The following SFI1 variants were observed in gnomAD, a reference collection of about 807,000 sequenced individuals.
SFI1 encodes SFI1 centrin binding protein.
SFI1 carries 195 observed loss-of-function variants against 207.5 expected under a neutral mutation model. The observed-to-expected ratio is 0.94, with a 90% CI of 0.84 to 1.06. The LOEUF is 1.06. Ranked by LOEUF, SFI1 falls within the 50% of genes least tolerant of loss-of-function variation. The probability of loss-of-function intolerance (pLI) is 0.00; values close to 1 mark genes in which losing one functional copy is unlikely to be tolerated. For synonymous variants in SFI1, 630 were observed against 598.9 expected (o/e 1.05, Z -0.76); for missense variants, 1,634 against 1,588.0 (o/e 1.03, Z -0.49).
chr22:31,556,880 T>C, intron 6 of SFI1, 62 bp from the exon 7 acceptor site: 3 of 1,151,502 alleles, frequency 2.6e-6, no homozygotes, highest in Non-Finnish European at 3.7e-6. Flanking sequence ...TGAGCTTTTA[T>C]CATAACCCAG....
chr22:31,532,134 C>G (rs887296169), intron 4 of SFI1, among the ~76,000 whole-genome samples: 11 of 152,082 alleles, frequency 7.2e-5, no homozygotes, highest in Non-Finnish European at 4.4e-5. Flanking sequence ...GATAAGATCT[C>G]TCTGGGAAAA....
At position 31,618,040 on chromosome 22, in the gene SFI1, G is replaced by A. The variant is rs1478098721; in HGVS notation, c.3513-75G>A. The stretch of plus-strand genomic sequence containing the variant: ...CGATACCCGCATCAGAATTAGCTGA[G>A]GTGCCTCTCCCTGAGCCGGATGGGG... On this transcript the variant is annotated intron_variant, in intron 31 of 32. Coordinates refer to ENST00000400288, the MANE Select transcript of SFI1 (RefSeq NM_001007467.3). 4.5e-5 allele frequency: 66 copies of A among 1,473,270 alleles called. 2 individuals are homozygous for A. The South Asian group carries it at 8.4e-4, about 19-fold the overall frequency. 91.3% of individuals were successfully genotyped at this position (1,473,270 alleles called of 1,614,324 possible).
intron 1 of SFI1, among the ~76,000 whole-genome samples, chr22:31,499,004 C>G (rs972458762): frequency 1.3e-4 from 20 of 151,026 alleles, no homozygotes; most frequent in African/African-American, 4.4e-4. Flanking sequence ...ACTACATGCC[C>G]GGCTTTGTTT....
intron 15 of SFI1, among the ~76,000 whole-genome samples, chr22:31,601,832 G>T (rs2068146469): frequency 1.3e-5 from 2 of 151,534 alleles, no homozygotes. Flanking sequence ...TCACTCTGTT[G>T]CCCAGGCTGG....
At chr22:31,499,875 C>T (rs1273864515) in intron 1 of SFI1, among the ~76,000 whole-genome samples, 2 of 151,070 alleles carry the variant, frequency 1.3e-5, no homozygotes, top group African/African-American at 4.9e-5. Context: ...GTAGTCCCAG[C>T]TACTCCAGAG....
chr22:31,520,545 G>A (rs2057100086), intron 2 of SFI1, among the ~76,000 whole-genome samples: 1 of 151,990 alleles, frequency 6.6e-6, no homozygotes, highest in African/African-American at 2.4e-5. Flanking sequence ...TACTCACGGA[G>A]GGTTGGTTTT....
chr22:31,616,161 C>G (rs551303594), intron 29 of SFI1: 2 of 152,302 alleles, frequency 1.3e-5, no homozygotes, highest in African/African-American at 4.8e-5. Flanking sequence ...GACAGCTGCT[C>G]TAAGGCCACC....
At chr22:31,588,441 AG>A (rs2065322167) in intron 14 of SFI1, among the ~76,000 whole-genome samples, 1 of 152,230 alleles carries the variant, frequency 6.6e-6, no homozygotes, top group Admixed American at 6.5e-5. Context: ...TCACTATCCC[AG>A]CCAGATTCAA....
chr22:31,525,834 G>A (rs992165066), intron 2 of SFI1, among the ~76,000 whole-genome samples: 10 of 152,140 alleles, frequency 6.6e-5, no homozygotes, highest in Non-Finnish European at 1.5e-4. Flanking sequence ...TTTTATGCCA[G>A]TACCATGCTG....
chr22:31,613,573 G>T, intron 26 of SFI1, 29 bp from the exon 27 acceptor site: 3 of 1,577,554 alleles, frequency 1.9e-6, no homozygotes, highest in South Asian at 2.3e-5. Context: ...GCAGGGTGTG[G>T]CATGAGCTGA....
chr22:31,558,580 C>T lies in SFI1; in HGVS notation c.662+1521C>T, dbSNP rs183566511. ...TGGGTTCAAGCCTTCCAGGTTCAAG[C>T]GATTCTTCTGCCTTGGCCTCTCGAG... On this transcript the variant is annotated intron_variant, in intron 7 of 32. Transcript: ENST00000400288. 8.6e-5 allele frequency among the ~76,000 whole-genome samples: 13 copies of T among 151,104 alleles called. No homozygotes were observed. In the East Asian group the frequency reaches 2.2e-3, roughly 25 times the overall value.
intron 1 of SFI1, among the ~76,000 whole-genome samples, chr22:31,501,684 G>A (rs1441604817): frequency 6.6e-6 from 1 of 152,176 alleles, no homozygotes; most frequent in African/African-American, 2.4e-5. Flanking sequence ...TTCATGAAAA[G>A]TGCTTAGCAC....
intron 18 of SFI1, among the ~76,000 whole-genome samples, 164 bp from the exon 19 acceptor site, chr22:31,604,145 C>A (rs906692224): frequency 1.3e-5 from 2 of 152,214 alleles, no homozygotes; most frequent in African/African-American, 4.8e-5. Flanking sequence ...CAAGCACTTA[C>A]CTCATCAAAT....
chr22:31,529,254 A>C (rs577925748), intron 3 of SFI1, among the ~76,000 whole-genome samples: 2 of 152,318 alleles, frequency 1.3e-5, no homozygotes, highest in African/African-American at 4.8e-5. Flanking sequence ...TTCTTCATTC[A>C]AAAATTTATC....
chr22:31,602,834 T>G, intron 17 of SFI1, 49 bp downstream of exon 17: 1 of 1,587,190 alleles, frequency 6.3e-7, no homozygotes, highest in Non-Finnish European at 8.6e-7. Context: ...AGGCCAGCTT[T>G]GCTTGTTCTA....
chr22:31,554,686 A>C (rs1172528200), intron 6 of SFI1, among the ~76,000 whole-genome samples: 3 of 149,346 alleles, frequency 2.0e-5, no homozygotes, highest in African/African-American at 7.4e-5. Flanking sequence ...GGCTCACTGC[A>C]GCCTCTGCCT....
chr22:31,598,714 G>T (rs1380642761), intron 15 of SFI1, among the ~76,000 whole-genome samples: 1 of 2,898 alleles, frequency 3.5e-4, no homozygotes, highest in Non-Finnish European at 1.5e-3. Context: ...ACTGCGCCTG[G>T]CCTTTTTTTT....
At chr22:31,569,996 G>T (rs577216481) in intron 8 of SFI1, among the ~76,000 whole-genome samples, 23 of 151,254 alleles carry the variant, frequency 1.5e-4, no homozygotes, top group Admixed American at 1.1e-3. Flanking sequence ...GCATGCCTGT[G>T]GTCCCAGCTG....
At chr22:31,560,196 G>T (rs1418953565) in intron 7 of SFI1, among the ~76,000 whole-genome samples, 1 of 151,784 alleles carries the variant, frequency 6.6e-6, no homozygotes, top group Non-Finnish European at 1.5e-5. Flanking sequence ...TTTCTGTAAA[G>T]CACAGGTTGT....
Sources: allele counts gnomAD v4.1 joint callset (sites outside exome capture counted in the v4.1 genomes callset), GRCh38; gene constraint gnomAD v4.1.1; transcripts MANE v1.5; gene names NCBI Gene and HGNC (gene_info 2026-07-23, HGNC 2026-07-21).